Variants in GTF2A1L observed in about 807,000 individuals in gnomAD.
GTF2A1L encodes the protein TFIIA-alpha and beta-like factor.
Under a neutral mutation model 49.7 loss-of-function variants are expected in GTF2A1L, and 48 were observed. The ratio of observed to expected loss-of-function variants is 0.97; its 90% confidence interval spans 0.77 to 1.23. GTF2A1L has a LOEUF of 1.23. Among genes scored for constraint, GTF2A1L ranks in the 50% most tolerant of loss-of-function variants. The probability of loss-of-function intolerance (pLI) is 0.00; values close to 1 mark genes in which losing one functional copy is unlikely to be tolerated. For missense variants in GTF2A1L, 736 were observed against 564.8 expected (o/e 1.30, Z -3.07); for synonymous variants, 246 against 193.5 (o/e 1.27, Z -2.25).
intron 6 of GTF2A1L, among the ~76,000 whole-genome samples, chr2:48,654,869 A>T (rs977625759): frequency 6.6e-6 from 1 of 152,162 alleles, no homozygotes; most frequent in African/African-American, 2.4e-5. Context: ...AATTCATGTG[A>T]CTATCTTTTT....
chr2:48,647,099 G>A (rs1432634469), intron 6 of GTF2A1L, 57 bp downstream of exon 6: 1 of 1,349,134 alleles, frequency 7.4e-7, no homozygotes, highest in Non-Finnish European at 1.0e-6. Context: ...CCAGTAACTG[G>A]ATATCCTGAA....
intron 1 of GTF2A1L, chr2:48,618,210 A>G: frequency 5.8e-6 from 2 of 343,368 alleles, no homozygotes; most frequent in South Asian, 1.8e-4. Context: ...CCTAGATACT[A>G]GAAAACCTCC....
intron 4 of GTF2A1L, among the ~76,000 whole-genome samples, chr2:48,643,672 T>C (rs1189860767): frequency 1.3e-5 from 2 of 150,978 alleles, no homozygotes; most frequent in Admixed American, 1.3e-4. Context: ...CTGGGCACCA[T>C]AGCAAGACCA....
intron 3 of GTF2A1L, among the ~76,000 whole-genome samples, chr2:48,634,027 G>A (rs972194870): frequency 6.6e-6 from 1 of 152,044 alleles, no homozygotes; most frequent in Non-Finnish European, 1.5e-5. Flanking sequence ...TGTTTTATGT[G>A]CATCTTGTTT....
chr2:48,638,217 C>T (rs1374694786), intron 3 of GTF2A1L, among the ~76,000 whole-genome samples: 1 of 152,150 alleles, frequency 6.6e-6, no homozygotes, highest in Non-Finnish European at 1.5e-5. Context: ...GGACTCCTCC[C>T]CAGCTAATTC....
At chr2:48,653,764 C>G (rs1678001435) in intron 6 of GTF2A1L, among the ~76,000 whole-genome samples, 1 of 152,014 alleles carries the variant, frequency 6.6e-6, no homozygotes. Flanking sequence ...AAAACCCCAT[C>G]TCTACTAAAA....
intron 4 of GTF2A1L, among the ~76,000 whole-genome samples, chr2:48,644,483 A>G (rs1677381821): frequency 6.6e-6 from 1 of 152,218 alleles, no homozygotes; most frequent in Non-Finnish European, 1.5e-5. Flanking sequence ...TTTCTAATAT[A>G]GTATTCTATT....
intron 6 of GTF2A1L, among the ~76,000 whole-genome samples, chr2:48,669,310 T>A (rs79260914): frequency 0.094 from 14,340 of 152,270 alleles, 955 homozygotes; most frequent in East Asian, 0.26. Flanking sequence ...CTTATTTCAC[T>A]TAGTGTAATC....
chr2:48,625,167 A>C lies in GTF2A1L; in HGVS notation c.247+3877A>C, dbSNP rs1676229877. Among the ~76,000 whole-genome samples, 2 of 144,090 alleles carry C rather than the reference A, an allele frequency of 1.4e-5. 1 individual carries two copies. The highest frequency in any genetic ancestry group is 4.7e-4 in the South Asian group (2 of 4,244). The allele number at this position is 144,090 out of a possible 152,430, so 94.5% of individuals were successfully genotyped here. A position where few individuals can be genotyped will look rare whatever the true frequency, so the allele number is the denominator to read the frequency against. The stretch of plus-strand genomic sequence containing the variant: ...TTTATACAATGGCTGACCATTCTGC[A>C]TTCCCACCAACAGAGTACAGGGGTT... On this transcript the variant is annotated intron_variant, in intron 3 of 8. Coordinates refer to ENST00000403751, the MANE Select transcript of GTF2A1L (RefSeq NM_006872.5).
intron 6 of GTF2A1L, among the ~76,000 whole-genome samples, chr2:48,667,800 C>T (rs1678933878): frequency 6.6e-6 from 1 of 152,072 alleles, no homozygotes; most frequent in African/African-American, 2.4e-5. Context: ...CCTAGAAGGG[C>T]AGTTGTCCAC....
intron 3 of GTF2A1L, among the ~76,000 whole-genome samples, chr2:48,630,175 G>C (rs1676497242): frequency 7.0e-6 from 1 of 143,548 alleles, no homozygotes; most frequent in African/African-American, 2.5e-5. Flanking sequence ...TGGTTTGATA[G>C]GAATAGCATT....
chr2:48,674,823 A>C (rs1341681911), intron 8 of GTF2A1L, among the ~76,000 whole-genome samples: 2 of 152,106 alleles, frequency 1.3e-5, no homozygotes, highest in Non-Finnish European at 2.9e-5. Flanking sequence ...ACCTTATGGA[A>C]TAGATAGAGG....
At position 48,644,092 on chromosome 2, in the gene GTF2A1L, GCC is replaced by G. The variant is rs1237155926; in HGVS notation, c.304-940_304-939del. Among the ~76,000 whole-genome samples, 5 of 152,290 alleles carry G rather than the reference GCC, an allele frequency of 3.3e-5. No homozygotes were observed. In the South Asian group the frequency reaches 8.3e-4, roughly 25 times the overall value. On this transcript the variant is annotated intron_variant, in intron 4 of 8. Transcript: ENST00000403751. ...AGGCTGAGGCAAAAGGATCACTTGA[GCC>G]TCGTAATTGGAGATTACAGTGAGTT...
chr2:48,633,205 C>A, intron 3 of GTF2A1L: 1 of 210,258 alleles, frequency 4.8e-6, no homozygotes, highest in Non-Finnish European at 1.0e-5. Context: ...TCTGCGGAGG[C>A]ATTTCTGTCA....
chr2:48,678,215 A>G (rs1679579982), intron 8 of GTF2A1L, among the ~76,000 whole-genome samples: 1 of 152,094 alleles, frequency 6.6e-6, no homozygotes, highest in Admixed American at 6.6e-5. Context: ...AGGTACCACA[A>G]TTAGTTGTTG....
At chr2:48,660,108 T>C (rs1678401688) in intron 6 of GTF2A1L, among the ~76,000 whole-genome samples, 1 of 152,156 alleles carries the variant, frequency 6.6e-6, no homozygotes, top group Non-Finnish European at 1.5e-5. Flanking sequence ...TTTTTTATCT[T>C]GAACTATCCT....
At chr2:48,674,057 A>G (rs779593888) in intron 8 of GTF2A1L, among the ~76,000 whole-genome samples, 6 of 152,128 alleles carry the variant, frequency 3.9e-5, no homozygotes, top group Admixed American at 1.3e-4. Flanking sequence ...GCTGCTATGA[A>G]TAATGCCTCT....
chr2:48,634,448 A>C (rs1034921643), intron 3 of GTF2A1L, among the ~76,000 whole-genome samples: 2 of 152,126 alleles, frequency 1.3e-5, no homozygotes, highest in Non-Finnish European at 1.5e-5. Flanking sequence ...TGAAATTGTT[A>C]GCTGGTTGCT....
chr2:48,654,248 C>T (rs549088910), intron 6 of GTF2A1L, among the ~76,000 whole-genome samples: 1 of 151,952 alleles, frequency 6.6e-6, no homozygotes, highest in Non-Finnish European at 1.5e-5. Flanking sequence ...ACTTTCAGTC[C>T]CGTATATTAT....
Sources: allele counts gnomAD v4.1 joint callset (sites outside exome capture counted in the v4.1 genomes callset), GRCh38; gene constraint gnomAD v4.1.1; transcripts MANE v1.5; gene names NCBI Gene and HGNC (gene_info 2026-07-23, HGNC 2026-07-21).